Variants in PHYH observed in about 807,000 individuals in gnomAD.
The protein encoded by PHYH is phytanoyl-CoA 2-hydroxylase.
A neutral mutation model predicts 38.5 loss-of-function variants in PHYH; 32 were observed. That is an observed-to-expected ratio of 0.83 (90% CI 0.63 to 1.12). PHYH has a LOEUF of 1.12. Among genes scored for constraint, PHYH ranks in the 50% most tolerant of loss-of-function variants. The pLI is 0.00. For missense variants in PHYH, 426 were observed against 434.8 expected (o/e 0.98, Z 0.18); for synonymous variants, 166 against 157.9 (o/e 1.05, Z -0.38).
At chr10:13,283,088 TG>T (rs1279352664) in intron 7 of PHYH, among the ~76,000 whole-genome samples, 14 of 151,148 alleles carry the variant, frequency 9.3e-5, no homozygotes, top group African/African-American at 3.4e-4. Flanking sequence ...CCGGAAGTGC[TG>T]GAATTACAGG....
intron 4 of PHYH, among the ~76,000 whole-genome samples, chr10:13,292,985 A>C (rs1835751548): frequency 1.3e-5 from 2 of 151,726 alleles, no homozygotes; most frequent in South Asian, 4.2e-4. Context: ...AACCCATGAT[A>C]TTCAAATTTT....
chr10:13,288,345 G>T lies in PHYH; in HGVS notation c.678+15C>A, dbSNP rs140995522. 6.2e-7 allele frequency: 1 copy of T among 1,612,280 alleles called. No individual in the cohort carries two copies. The highest frequency in any genetic ancestry group is 1.1e-5 in the South Asian group (1 of 90,986). Reference sequence around the variant, plus strand: ...AGGAGATTCGGATCAAGACTCAGCCGCCGGGCAGACCTACCTCCCACTTGG... The same window carrying T: ...AGGAGATTCGGATCAAGACTCAGCCTCCGGGCAGACCTACCTCCCACTTGG... On this transcript the variant is annotated intron_variant, in intron 6 of 8. Transcript: ENST00000263038.
At position 13,278,305 on chromosome 10, in the gene PHYH, A is replaced by AGAT. The variant is rs566116760; in HGVS notation, c.1010_1012dup (p.Asn337_Leu338insHis). The AGAT allele has an allele frequency of 2.1e-3, 3,425 of 1,609,052 alleles. 5 individuals are homozygous for AGAT. Among genetic ancestry groups the AGAT allele is most frequent in the Non-Finnish European group, 2.5e-3 (2,885 of 1,175,408 alleles). ...GAGTTATAGCAGATGGCTATTTCAA[A>AGAT]GATTGGTTCTTTCTCCTTTCACAAG... is the stretch of plus-strand genomic sequence containing the variant. On this transcript the variant is annotated inframe_insertion, in exon 9 of 9. Coordinates refer to ENST00000263038, the MANE Select transcript of PHYH (RefSeq NM_006214.4).
chr10:13,292,935 A>C (rs75502409), intron 4 of PHYH, among the ~76,000 whole-genome samples: 1 of 688 alleles, frequency 1.5e-3, no homozygotes, highest in African/African-American at 1.6e-3. Context: ...CTCTGTCTCA[A>C]AAAAAAAAAA....
chr10:13,298,952 T>C (rs796797514), intron 1 of PHYH, among the ~76,000 whole-genome samples: 3 of 64,488 alleles, frequency 4.7e-5, no homozygotes, highest in Non-Finnish European at 1.4e-4. Flanking sequence ...ATAATAATAA[T>C]AATAATAATA....
At chr10:13,289,356 C>T (rs1202879996) in intron 5 of PHYH, among the ~76,000 whole-genome samples, 3 of 152,080 alleles carry the variant, frequency 2.0e-5, no homozygotes, top group Admixed American at 6.6e-5. Flanking sequence ...CCACCACGCC[C>T]GGCTAATTTT....
chr10:13,279,288 G>A (rs1835360996), intron 8 of PHYH, among the ~76,000 whole-genome samples: 1 of 152,170 alleles, frequency 6.6e-6, no homozygotes, highest in Admixed American at 6.6e-5. Context: ...GTGAGCCACT[G>A]CACCTGGCCT....
chr10:13,286,720 C>A (rs1178648938), intron 6 of PHYH, among the ~76,000 whole-genome samples: 153 of 142,834 alleles, frequency 1.1e-3, no homozygotes, highest in African/African-American at 3.0e-3. Context: ...AAAAAAACAA[C>A]AAAAAACTAC....
At position 13,278,308 on chromosome 10, in the gene PHYH, T is replaced by C. The variant is rs1269704659; in HGVS notation, c.1010A>G (p.Asn337Ser). 5 of 1,609,734 alleles carry C rather than the reference T, an allele frequency of 3.1e-6. No homozygotes were observed. In the African/African-American group the frequency reaches 4.0e-5, roughly 13 times the overall value. Residue 337 changes from asparagine to serine, a missense_variant, in exon 9 of 9, where the codon AAT (asparagine) becomes AGT (serine). Coordinates refer to ENST00000263038, the MANE Select transcript of PHYH (RefSeq NM_006214.4). ...TTATAGCAGATGGCTATTTCAAAGA[T>C]TGGTTCTTTCTCCTTTCACAAGTCG... ...RARLVKGERTNL is the reference protein window; with the variant it reads ...RARLVKGERTSL
At chr10:13,283,879 AC>A in intron 6 of PHYH, 40 bp from the exon 7 acceptor site, 1 of 1,560,224 alleles carries the variant, frequency 6.4e-7, no homozygotes, top group Non-Finnish European at 8.8e-7. Context: ...TTGAGGGAGT[AC>A]CATAATTAAA....
At chr10:13,281,919 T>G (rs1396719997) in intron 7 of PHYH, among the ~76,000 whole-genome samples, 1 of 152,212 alleles carries the variant, frequency 6.6e-6, no homozygotes, top group Non-Finnish European at 1.5e-5. Context: ...ATCTGTATCT[T>G]TATGAAATTA....
intron 7 of PHYH, among the ~76,000 whole-genome samples, chr10:13,283,481 A>G (rs1023220468): frequency 6.6e-6 from 1 of 152,138 alleles, no homozygotes; most frequent in Non-Finnish European, 1.5e-5. Flanking sequence ...CTTCTTACTG[A>G]TAAGAGCACA....
intron 8 of PHYH, 37 bp from the exon 9 acceptor site, chr10:13,278,391 ACTTCAAT>A (rs1432333345): frequency 2.1e-6 from 3 of 1,420,194 alleles, no homozygotes; most frequent in Non-Finnish European, 3.0e-6. Context: ...TTTATGGAAC[ACTTCAAT>A]CTGCCCTCCA....
chr10:13,278,069 C>G lies in PHYH; in HGVS notation c.*232G>C. On this transcript the variant is annotated 3_prime_UTR_variant, in exon 9 of 9. Coordinates refer to ENST00000263038, the MANE Select transcript of PHYH (RefSeq NM_006214.4). ...CCAACCACCTTTATTGGCTGCCACC[C>G]TAAATTAGTTTTCCTTAAAACAGTA... is the stretch of plus-strand genomic sequence containing the variant. The G allele has an allele frequency of 2.0e-6, 1 of 506,824 alleles. No individual in the cohort carries two copies. The highest frequency in any genetic ancestry group is 3.6e-6 in the Non-Finnish European group (1 of 280,292). 31.4% of individuals were successfully genotyped at this position (506,824 alleles called of 1,614,324 possible).
Position 13,288,399 on chromosome 10 carries a change from G to C in PHYH, c.639C>G (p.His213Gln). 3 of 1,614,010 alleles carry C rather than the reference G, an allele frequency of 1.9e-6. No homozygotes were observed. Among genetic ancestry groups the C allele is most frequent in the East Asian group, 2.2e-5 (1 of 44,888 alleles). Residue 213 changes from histidine to glutamine, a missense_variant, in exon 6 of 9, where the codon CAC becomes CAG. By Grantham distance (24) the His-to-Gln change is conservative. Coordinates refer to ENST00000263038, the MANE Select transcript of PHYH (RefSeq NM_006214.4). ...AATCGTGGGGCTTCAGGGAGCCCTTGTGTGTGCCTGGGAGCACAACCAGAC... is the reference window on the plus strand; with the variant it reads ...AATCGTGGGGCTTCAGGGAGCCCTTCTGTGTGCCTGGGAGCACAACCAGAC... ...NGCLVVLPGT[H>Q]KGSLKPHDYP... is the part of the protein sequence containing the mutation.
chr10:13,293,622 A>C (rs1835766276), intron 4 of PHYH, among the ~76,000 whole-genome samples: 1 of 151,368 alleles, frequency 6.6e-6, no homozygotes, highest in Non-Finnish European at 1.5e-5. Flanking sequence ...CTCTTATTCA[A>C]TCTTTGTTTT....
chr10:13,283,929 GGAAA>G, intron 6 of PHYH, 90 bp from the exon 7 acceptor site: 1 of 1,097,266 alleles, frequency 9.1e-7, no homozygotes, highest in East Asian at 2.3e-5. Context: ...CAAACATCAG[GGAAA>G]GAAAGCATTT....
chr10:13,293,395 G>A (rs557244916), intron 4 of PHYH, among the ~76,000 whole-genome samples: 6 of 152,054 alleles, frequency 3.9e-5, no homozygotes, highest in African/African-American at 7.2e-5. Context: ...TCTGCCTCCC[G>A]GGTTTAAGCG....
intron 3 of PHYH, chr10:13,295,025 A>G: frequency 3.2e-6 from 1 of 312,406 alleles, no homozygotes; most frequent in Admixed American, 4.9e-5. Context: ...TTGCCCCAGG[A>G]CACATGATAT....
Sources: allele counts gnomAD v4.1 joint callset (sites outside exome capture counted in the v4.1 genomes callset), GRCh38; gene constraint gnomAD v4.1.1; transcripts MANE v1.5; gene names NCBI Gene and HGNC (gene_info 2026-07-23, HGNC 2026-07-21).